Variants in AXL observed in about 807,000 individuals in gnomAD.
AXL encodes tyrosine-protein kinase receptor UFO.
AXL carries 52 observed loss-of-function variants against 104.5 expected under a neutral mutation model. The observed-to-expected ratio is 0.50, with a 90% CI of 0.40 to 0.63. The LOEUF (loss-of-function observed/expected upper bound fraction) is 0.63, where lower values mean the gene tolerates loss of function less well. Among genes scored for constraint, AXL ranks in the 20% least tolerant of loss-of-function variants. The pLI, the probability that AXL is intolerant of heterozygous loss-of-function variation, is 0.00. For synonymous variants in AXL, 455 were observed against 473.7 expected (o/e 0.96, Z 0.51); for missense variants, 1,024 against 1,188.5 (o/e 0.86, Z 2.04).
At chr19:41,224,344 G>A (rs1016993103) in intron 4 of AXL, among the ~76,000 whole-genome samples, 2 of 151,882 alleles carry the variant, frequency 1.3e-5, no homozygotes, top group African/African-American at 4.8e-5. Flanking sequence ...ACGTGTCCAT[G>A]GATAACTTGT....
rs544704648 is a variant in AXL at position 41,246,546 on chromosome 19, A to G, written c.1538-1968A>G. Reference sequence around the variant, plus strand: ...GCAAAACCCCATCTCTATTTAAAAAAAAAAAAAGAAACACAAAAATTTGCC... The same window carrying G: ...GCAAAACCCCATCTCTATTTAAAAAGAAAAAAAGAAACACAAAAATTTGCC... On this transcript the variant is annotated intron_variant, in intron 12 of 19. Transcript: ENST00000301178. 5.9e-5 allele frequency among the ~76,000 whole-genome samples: 9 copies of G among 152,096 alleles called. No individual in the cohort carries two copies. In the South Asian group the frequency reaches 1.9e-3, roughly 32 times the overall value.
intron 2 of AXL, 51 bp downstream of exon 2, chr19:41,220,909 CA>C: frequency 6.3e-7 from 1 of 1,585,018 alleles, no homozygotes; most frequent in Non-Finnish European, 8.6e-7. Context: ...ACACAGAGGG[CA>C]GAAAGCCCAC....
intron 4 of AXL, among the ~76,000 whole-genome samples, chr19:41,223,857 G>T (rs2033834628): frequency 6.6e-6 from 1 of 151,970 alleles, no homozygotes; most frequent in African/African-American, 2.4e-5. Flanking sequence ...GTGGTGGTGG[G>T]GTGTCTGGAT....
intron 19 of AXL, among the ~76,000 whole-genome samples, chr19:41,258,641 A>G (rs1327598953): frequency 6.6e-6 from 1 of 152,090 alleles, no homozygotes; most frequent in Non-Finnish European, 1.5e-5. Flanking sequence ...TGGTCTTGAT[A>G]TCGTGACCTC....
intron 15 of AXL, 149 bp downstream of exon 15, chr19:41,252,592 CCCTCAGCTTGGAATGTGA>C: frequency 9.2e-7 from 1 of 1,081,720 alleles, no homozygotes; most frequent in East Asian, 2.5e-5. Context: ...CTCCTAGTCT[CCCTCAGCTTGGAATGTGA>C]CCTCTGATCA....
At chr19:41,253,082 AT>A (rs2034392941) in intron 16 of AXL, 115 bp downstream of exon 16, 2 of 1,173,532 alleles carry the variant, frequency 1.7e-6, no homozygotes, top group South Asian at 3.1e-5. Flanking sequence ...CTCCTGGAGC[AT>A]TTCTTCCAGC....
At chr19:41,241,279 C>G (rs1249230952) in intron 10 of AXL, among the ~76,000 whole-genome samples, 1 of 152,118 alleles carries the variant, frequency 6.6e-6, no homozygotes, top group Non-Finnish European at 1.5e-5. Context: ...CAATGGCTCA[C>G]GCCTGTAATC....
intron 12 of AXL, among the ~76,000 whole-genome samples, chr19:41,245,314 C>T (rs946728061): frequency 2.6e-5 from 4 of 152,196 alleles, no homozygotes; most frequent in African/African-American, 9.7e-5. Flanking sequence ...TATGCATGTA[C>T]TCTACACCCT....
chr19:41,259,412 A>G, intron 19 of AXL, 141 bp from the exon 20 acceptor site: 1 of 679,196 alleles, frequency 1.5e-6, no homozygotes, highest in South Asian at 2.1e-5. Context: ...ATCCCCATAG[A>G]TGGCCTCAAA....
At chr19:41,231,813 G>C (rs950213824) in intron 6 of AXL, among the ~76,000 whole-genome samples, 1 of 151,850 alleles carries the variant, frequency 6.6e-6, no homozygotes, top group Non-Finnish European at 1.5e-5. Flanking sequence ...TGTAGTCCCA[G>C]CTACTGGGGA....
chr19:41,230,321 A>ATGTGTG (rs368082123), intron 4 of AXL, among the ~76,000 whole-genome samples: 2 of 136,540 alleles, frequency 1.5e-5, no homozygotes, highest in Non-Finnish European at 3.2e-5. Context: ...GGGTGTAAGA[A>ATGTGTG]TGTGTGTGTG....
rs778754441 is a variant in AXL at position 41,238,615 on chromosome 19, T to C, written c.1134+6T>C. 1.2e-6 allele frequency: 2 copies of C among 1,600,932 alleles called. No individual in the cohort carries two copies. Among genetic ancestry groups the C allele is most frequent in the Non-Finnish European group, 1.7e-6 (2 of 1,170,964 alleles). ...AAGGCCAGGACACCCCAGAGGTGGG[T>C]GCTGCTGGTGGGATTGGAGTGGAGT... On this transcript the variant is annotated splice_donor_region_variant and intron_variant, in intron 8 of 19. Transcript: ENST00000301178.
intron 6 of AXL, among the ~76,000 whole-genome samples, chr19:41,233,908 C>T (rs947611429): frequency 3.3e-5 from 5 of 152,176 alleles, no homozygotes; most frequent in African/African-American, 1.2e-4. Flanking sequence ...TCACTTCCTG[C>T]TGCACATGGG....
intron 15 of AXL, 87 bp downstream of exon 15, chr19:41,252,530 C>A: frequency 1.4e-6 from 2 of 1,456,942 alleles, no homozygotes; most frequent in South Asian, 2.3e-5. Flanking sequence ...CTGGGAAGAT[C>A]AAACTTCCAG....
rs2122195739 is a variant in AXL at position 41,220,782 on chromosome 19, C to T, written c.232C>T (p.Leu78Phe). Residue 78 changes from leucine (L) to phenylalanine (F), a missense_variant, in exon 2 of 20, where the codon CTC (leucine) becomes TTC (phenylalanine). Leu to Phe is a conservative substitution (Grantham distance 22). Coordinates refer to ENST00000301178, the MANE Select transcript of AXL (RefSeq NM_021913.5). ...HWLRDGQILELADSTQTQVPL... is the reference protein window; with the variant it reads ...HWLRDGQILEFADSTQTQVPL... The stretch of plus-strand genomic sequence containing the variant: ...GCTTCGGGATGGACAGATCCTGGAG[C>T]TCGCGGACAGCACCCAGACCCAGGT... The T allele has an allele frequency of 1.2e-6, 2 of 1,614,146 alleles. No homozygotes were observed. The highest frequency in any genetic ancestry group is 2.2e-5 in the East Asian group (1 of 44,862).
chr19:41,258,042 T>C (rs2034481926), intron 19 of AXL, among the ~76,000 whole-genome samples: 1 of 152,228 alleles, frequency 6.6e-6, no homozygotes, highest in Non-Finnish European at 1.5e-5. Flanking sequence ...TTCAGTTTGT[T>C]TTATTGGCCT....
chr19:41,220,601 G>T (rs1407815426), intron 1 of AXL, 35 bp from the exon 2 acceptor site: 2 of 1,525,444 alleles, frequency 1.3e-6, no homozygotes, highest in African/African-American at 1.4e-5. Context: ...GGAGCTGGGG[G>T]GTTCCTAAGC....
rs1307968316 is a variant in AXL, at chr19:41,253,715, G to C, written c.2036+7G>C. The stretch of plus-strand genomic sequence containing the variant: ...TGGCGGCCAGGAACTGCATGTGAGT[G>C]CCTTTCAGGGACCCCCCCCCCCCAA... On this transcript the variant is annotated splice_region_variant and intron_variant, in intron 17 of 19. Transcript: ENST00000301178. The C allele has an allele frequency of 6.4e-7, 1 of 1,572,146 alleles. No homozygotes were observed. The highest frequency in any genetic ancestry group is 8.6e-7 in the Non-Finnish European group (1 of 1,156,776).
Position 41,259,893 on chromosome 19 carries a change from G to A in AXL, c.2674G>A (p.Asp892Asn). The change falls in exon 20 of 20, where the codon GAT (aspartate) becomes AAT (asparagine). Residue 892 changes from aspartate to asparagine, a missense_variant. Transcript: ENST00000301178. Reference protein sequence around the residue: ...RGSPAAPGQEDGA With the variant: ...RGSPAAPGQENGA ...CTCCCCAGCAGCCCCAGGGCAGGAG[G>A]ATGGTGCCTGAGACAACCCTCCACC... 1 of 1,575,106 alleles carries A rather than the reference G, an allele frequency of 6.3e-7. No homozygotes were observed. The highest frequency in any genetic ancestry group is 8.6e-7 in the Non-Finnish European group (1 of 1,158,438).
Sources: gnomAD v4.1 joint callset for allele counts (sites outside exome capture counted in the v4.1 genomes callset) on GRCh38, gnomAD v4.1.1 for gene constraint, MANE v1.5 for transcripts, NCBI Gene and HGNC (gene_info 2026-07-23, HGNC 2026-07-21) for gene names.